ITSN1: variants seen among roughly 807,000 people sequenced by gnomAD.
ITSN1 encodes the protein intersectin-1.
Under a neutral mutation model 239.8 loss-of-function variants are expected in ITSN1, and 58 were observed. The ratio of observed to expected loss-of-function variants is 0.24; its 90% CI spans 0.20 to 0.30. ITSN1 has a LOEUF of 0.30. Ranked by LOEUF, ITSN1 falls within the 10% of genes least tolerant of loss-of-function variation. ITSN1 has a pLI of 1.00. For synonymous variants in ITSN1, 780 were observed against 770.8 expected (o/e 1.01, Z -0.20); for missense variants, 1,558 against 2,103.3 (o/e 0.74, Z 5.07).
At chr21:33,843,150 T>A (rs185348838) in intron 29 of ITSN1, among the ~76,000 whole-genome samples, 2 of 152,326 alleles carry the variant, frequency 1.3e-5, no homozygotes, top group East Asian at 3.9e-4. Context: ...AACACAGTGA[T>A]GTTCTCAAGT....
chr21:33,689,719 G>A (rs1447721964), intron 1 of ITSN1, among the ~76,000 whole-genome samples: 1 of 152,148 alleles, frequency 6.6e-6, no homozygotes, highest in Non-Finnish European at 1.5e-5. Flanking sequence ...TGTAATGCTA[G>A]CACTCGGGGA....
intron 1 of ITSN1, among the ~76,000 whole-genome samples, chr21:33,691,773 CAGA>C (rs1333364597): frequency 1.2e-4 from 19 of 152,318 alleles, no homozygotes; most frequent in Admixed American, 6.5e-5. Context: ...TTCCTGCTGG[CAGA>C]AGGAGAGATC....
intron 7 of ITSN1, among the ~76,000 whole-genome samples, chr21:33,753,124 G>C (rs980798995): frequency 1.3e-5 from 2 of 151,836 alleles, no homozygotes; most frequent in Non-Finnish European, 2.9e-5. Flanking sequence ...TAACTCATAA[G>C]TGACAGAGCT....
intron 4 of ITSN1, 48 bp from the exon 5 acceptor site, chr21:33,734,996 G>T: frequency 1.3e-6 from 2 of 1,543,288 alleles, no homozygotes; most frequent in Non-Finnish European, 1.7e-6. Flanking sequence ...TTTTGGAAAG[G>T]TTCTTTTATG....
chr21:33,677,665 C>T (rs1372919499), intron 1 of ITSN1, among the ~76,000 whole-genome samples: 1 of 152,126 alleles, frequency 6.6e-6, no homozygotes, highest in Non-Finnish European at 1.5e-5. Context: ...GATGCTGTCC[C>T]CACCCTAATG....
In ITSN1 at chr21:33,892,630, T is replaced by C. The variant is rs1476965850; in HGVS notation, c.*4330T>C. 6.6e-6 allele frequency: 1 copy of C among 152,206 alleles called. No individual in the cohort carries two copies. The highest frequency in any genetic ancestry group is 1.9e-4 in the East Asian group (1 of 5,192). 9.4% of individuals were successfully genotyped at this position (152,206 alleles called of 1,614,324 possible). On this transcript the variant is annotated 3_prime_UTR_variant, in exon 40 of 40. Transcript: ENST00000381318. ...TAAGTATGAGTGGCAGGTACTTCTC[T>C]AGAACAGCCCTAACCTGCACTAGTG...
In ITSN1 at chr21:33,809,464, A is replaced by G. The variant is rs1467449224; in HGVS notation, c.2320-1511A>G. Among the ~76,000 whole-genome samples the G allele has an allele frequency of 2.0e-5, 3 of 152,364 alleles. No homozygotes were observed. In the East Asian group the frequency reaches 5.8e-4, roughly 29 times the overall value. On this transcript the variant is annotated intron_variant, in intron 20 of 39. Transcript: ENST00000381318. ...CCACCTCTACCCCAAACATTTGTTAATTCAAATAAGCTAATAAGTATTGAA... is the reference window on the plus strand; with the variant it reads ...CCACCTCTACCCCAAACATTTGTTAGTTCAAATAAGCTAATAAGTATTGAA...
intron 34 of ITSN1, among the ~76,000 whole-genome samples, chr21:33,876,520 A>G (rs1569334211): frequency 1.3e-5 from 2 of 152,324 alleles, no homozygotes; most frequent in Middle Eastern, 3.4e-3. Flanking sequence ...GCATGCCACC[A>G]TGCCCAGCTA....
intron 29 of ITSN1, among the ~76,000 whole-genome samples, chr21:33,855,460 C>T (rs1979145257): frequency 6.6e-6 from 1 of 152,368 alleles, no homozygotes; most frequent in South Asian, 2.1e-4. Context: ...CGGACTCTCC[C>T]ACCTACATTC....
At chr21:33,800,239 A>T (rs1222056645) in intron 19 of ITSN1, among the ~76,000 whole-genome samples, 1 of 151,948 alleles carries the variant, frequency 6.6e-6, no homozygotes, top group African/African-American at 2.4e-5. Context: ...GTATACATAT[A>T]TATGTAATAC....
At chr21:33,866,227 G>A (rs1981551068) in intron 32 of ITSN1, among the ~76,000 whole-genome samples, 1 of 152,144 alleles carries the variant, frequency 6.6e-6, no homozygotes, top group Non-Finnish European at 1.5e-5. Flanking sequence ...GCCTCTCATG[G>A]TGTTTCTCAG....
intron 1 of ITSN1, among the ~76,000 whole-genome samples, chr21:33,697,269 A>T (rs1208126093): frequency 4.3e-5 from 6 of 137,950 alleles, no homozygotes; most frequent in African/African-American, 1.6e-4. Context: ...TTTAGTAGAG[A>T]TGGGCTTTCA....
intron 29 of ITSN1, among the ~76,000 whole-genome samples, chr21:33,850,414 G>A (rs1028527697): frequency 2.0e-4 from 30 of 152,134 alleles, no homozygotes; most frequent in South Asian, 6.2e-4. Context: ...TGTGCCCACC[G>A]GCTTCTCCAG....
intron 17 of ITSN1, among the ~76,000 whole-genome samples, chr21:33,795,950 C>CTT (rs5843623): frequency 0.16 from 22,206 of 139,710 alleles, 1,938 homozygotes; most frequent in East Asian, 0.27. Flanking sequence ...TAAAGTAATT[C>CTT]TTTTTTTTTT....
chr21:33,654,701 A>G (rs1054002255), intron 1 of ITSN1, among the ~76,000 whole-genome samples: 55 of 152,326 alleles, frequency 3.6e-4, no homozygotes, highest in African/African-American at 1.2e-3. Context: ...TGGCCTTAAT[A>G]TGCTCAAGGA....
intron 25 of ITSN1, 143 bp from the exon 26 acceptor site, chr21:33,826,675 T>C (rs2073990484): frequency 1.5e-6 from 1 of 658,736 alleles, no homozygotes; most frequent in Non-Finnish European, 2.7e-6. Flanking sequence ...TATATCCTTG[T>C]GTCAGGTGAT....
intron 11 of ITSN1, among the ~76,000 whole-genome samples, chr21:33,769,455 C>T (rs1299876237): frequency 6.6e-6 from 1 of 152,166 alleles, no homozygotes; most frequent in African/African-American, 2.4e-5. Context: ...TCTTAGTCTG[C>T]TTGGACTACC....
At chr21:33,884,154 G>C (rs989445267) in intron 36 of ITSN1, among the ~76,000 whole-genome samples, 1 of 151,980 alleles carries the variant, frequency 6.6e-6, no homozygotes, top group Non-Finnish European at 1.5e-5. Context: ...CACCCGCCTT[G>C]GCCTCCCAGA....
intron 8 of ITSN1, among the ~76,000 whole-genome samples, chr21:33,761,481 C>T (rs2068322751): frequency 6.6e-6 from 1 of 151,960 alleles, no homozygotes; most frequent in Admixed American, 6.6e-5. Context: ...CCTTCCTCCT[C>T]TAAGATTCTC....
Sources: gnomAD v4.1 joint callset for allele counts (sites outside exome capture counted in the v4.1 genomes callset) on GRCh38, gnomAD v4.1.1 for gene constraint, MANE v1.5 for transcripts, NCBI Gene and HGNC (gene_info 2026-07-23, HGNC 2026-07-21) for gene names.